Variants in FAAH2 observed in about 807,000 individuals in gnomAD.
The protein encoded by FAAH2 is fatty acid amide hydrolase 2, also known as fatty-acid amide hydrolase 2.
In FAAH2, 60 loss-of-function variants were observed where a neutral mutation model predicts 36.9. That is an observed-to-expected ratio of 1.63 (90% confidence interval 1.32 to 2.02). FAAH2 has a LOEUF of 2.02. Ranked by LOEUF, FAAH2 falls within the 30% of genes most tolerant of loss-of-function variation. FAAH2 has a pLI of 0.00. For missense variants in FAAH2, 689 were observed against 397.5 expected, an observed-to-expected ratio of 1.73 and a Z score of -6.23; for synonymous variants, 214 against 143.8, an observed-to-expected ratio of 1.49 and a Z score of -3.49.
the FAAH2 span, among the ~76,000 whole-genome samples, chrX:57,171,597 T>A: frequency 8.9e-6 from 1 of 111,755 alleles, no homozygotes; most frequent in African/African-American, 3.3e-5. Flanking sequence ...GCCCCCTTTT[T>A]AATAGAATTA....
chrX:57,368,899 T>A lies in FAAH2; in HGVS notation c.743-9752T>A, dbSNP rs187267599. Among the ~76,000 whole-genome samples the A allele has an allele frequency of 8.9e-3, 978 of 110,177 alleles. 5 individuals carry two copies. Among genetic ancestry groups the A allele is most frequent in the African/African-American group, 0.017 (517 of 30,266 alleles). On this transcript the variant is annotated intron_variant, in intron 5 of 10. Coordinates refer to ENST00000374900, the MANE Select transcript of FAAH2 (RefSeq NM_174912.4). ...CAAAATGGAAATTTCTAATTTTTTT[T>A]AAAAAGTAATTCAAAATAATGACTC...
chrX:57,332,325 A>T (rs1391706403), intron 4 of FAAH2, among the ~76,000 whole-genome samples: 3 of 112,456 alleles, frequency 2.7e-5, no homozygotes, highest in East Asian at 2.8e-4. Context: ...TACTGTGATG[A>T]TTAAAAATTT....
At chrX:57,472,250 A>T (rs2057182892) in intron 10 of FAAH2, among the ~76,000 whole-genome samples, 1 of 112,180 alleles carries the variant, frequency 8.9e-6, no homozygotes, top group Admixed American at 9.5e-5. Flanking sequence ...AATGGAATCT[A>T]ATTATACTAA....
At chrX:57,390,405 G>C (rs1293335736) in intron 7 of FAAH2, among the ~76,000 whole-genome samples, 1 of 111,333 alleles carries the variant, frequency 9.0e-6, no homozygotes, top group Admixed American at 9.6e-5. Flanking sequence ...GTGTAATGGT[G>C]AAGTTTGGGC....
intron 5 of FAAH2, among the ~76,000 whole-genome samples, chrX:57,355,686 T>C (rs964158811): frequency 6.3e-5 from 7 of 111,346 alleles, no homozygotes; most frequent in Non-Finnish European, 1.3e-4. Context: ...GCAGTTTCTC[T>C]TTATGGACTC....
the FAAH2 span, among the ~76,000 whole-genome samples, chrX:57,256,502 C>T: frequency 7.2e-5 from 8 of 111,591 alleles, no homozygotes; most frequent in East Asian, 2.8e-4. Context: ...GAAGGCACCA[C>T]GCTACCTGAC....
At chrX:57,290,376 G>A (rs1191717472) in intron 1 of FAAH2, 1 of 545,785 alleles carries the variant, frequency 1.8e-6, no homozygotes. Flanking sequence ...AGTTATGGTG[G>A]CTGAAATCTC....
chrX:57,217,424 T>C, the FAAH2 span, among the ~76,000 whole-genome samples: 1 of 111,987 alleles, frequency 8.9e-6, no homozygotes, highest in Non-Finnish European at 1.9e-5. Context: ...GGTCTTAGGT[T>C]TAAGTCTTTA....
intron 5 of FAAH2, among the ~76,000 whole-genome samples, chrX:57,366,970 G>A (rs778494478): frequency 1.8e-5 from 2 of 112,131 alleles, no homozygotes; most frequent in South Asian, 3.7e-4. Context: ...AAAACCTCTG[G>A]ACTCCATACA....
intron 7 of FAAH2, among the ~76,000 whole-genome samples, chrX:57,404,666 C>A (rs1487123979): frequency 2.7e-5 from 3 of 111,331 alleles, no homozygotes; most frequent in African/African-American, 9.8e-5. Flanking sequence ...GGAGATACAA[C>A]CTGCTGTAAT....
At chrX:57,208,037 C>T in the FAAH2 span, among the ~76,000 whole-genome samples, 2 of 112,672 alleles carry the variant, frequency 1.8e-5, no homozygotes, top group Non-Finnish European at 3.8e-5. Flanking sequence ...TGTATTCTAA[C>T]AGGGAACTGC....
At chrX:57,185,186 T>A in the FAAH2 span, among the ~76,000 whole-genome samples, 2 of 111,012 alleles carry the variant, frequency 1.8e-5, no homozygotes, top group African/African-American at 6.6e-5. Context: ...TCATTGTTTC[T>A]GGCTAATTTT....
At chrX:57,192,895 G>A in the FAAH2 span, among the ~76,000 whole-genome samples, 5 of 111,728 alleles carry the variant, frequency 4.5e-5, no homozygotes, top group African/African-American at 1.6e-4. Context: ...TCTTAATCCT[G>A]TCATCTCATA....
chrX:57,190,554 C>A, the FAAH2 span, among the ~76,000 whole-genome samples: 445 of 110,182 alleles, frequency 4.0e-3, 5 homozygotes, highest in South Asian at 0.012. Context: ...ATAAGGGAAT[C>A]TCTTGGTCTG....
chrX:57,252,627 G>C, the FAAH2 span, among the ~76,000 whole-genome samples: 1 of 112,045 alleles, frequency 8.9e-6, no homozygotes, highest in South Asian at 3.8e-4. Context: ...AGGCAAACAG[G>C]GTCTGGAGTG....
intron 2 of FAAH2, among the ~76,000 whole-genome samples, chrX:57,300,452 A>T (rs2052317546): frequency 8.9e-6 from 1 of 112,233 alleles, no homozygotes; most frequent in African/African-American, 3.2e-5. Flanking sequence ...TTATACAAAA[A>T]TTAATTCAAG....
rs371841057 is a variant in FAAH2 at position 57,341,615 on chromosome X, G to GT, written c.742+238dup. Among the ~76,000 whole-genome samples, 498 of 95,979 alleles carry GT rather than the reference G, an allele frequency of 5.2e-3. 2 individuals carry two copies. Among genetic ancestry groups the GT allele is most frequent in the Middle Eastern group, 0.016 (3 of 182 alleles). The allele number at this position is 95,979 out of a possible 115,157, so 83.3% of individuals were successfully genotyped here. Reference sequence around the variant, plus strand: ...ATGTCTTTCAATAGTTATAATAGTTGTTTTTTTTTTTTTCAGAAAGTTATC... The same window carrying GT: ...ATGTCTTTCAATAGTTATAATAGTTGTTTTTTTTTTTTTTCAGAAAGTTATC... On this transcript the variant is annotated intron_variant, in intron 5 of 10. Transcript: ENST00000374900.
rs184396749 is a variant in FAAH2 at position 57,432,280 on chromosome X, G to T, written c.1116+243G>T. On this transcript the variant is annotated intron_variant, in intron 8 of 10. Transcript: ENST00000374900. ...GTGAAGGCTTCTTGATGGAGGAATT[G>T]CAGTCTCCCAAATCTTGAATGATTT... 1.7e-3 allele frequency among the ~76,000 whole-genome samples: 185 copies of T among 111,636 alleles called. 1 individual carries two copies. The highest frequency in any genetic ancestry group is 5.7e-3 in the African/African-American group (176 of 30,798).
chrX:57,167,115 C>T, the FAAH2 span, among the ~76,000 whole-genome samples: 1 of 111,712 alleles, frequency 9.0e-6, no homozygotes, highest in African/African-American at 3.3e-5. Context: ...AGTCACAGGG[C>T]CACAAAGATG....
Sources: allele counts gnomAD v4.1 joint callset (sites outside exome capture counted in the v4.1 genomes callset), GRCh38; gene constraint gnomAD v4.1.1; transcripts MANE v1.5; gene names NCBI Gene and HGNC (gene_info 2026-07-23, HGNC 2026-07-21).